PARD3B: variants seen among roughly 807,000 people sequenced by gnomAD.
PARD3B encodes the protein partitioning defective 3 homolog B.
In PARD3B, 103 loss-of-function variants were observed where a neutral mutation model predicts 130.2. The ratio of observed to expected loss-of-function variants is 0.79; its 90% CI spans 0.67 to 0.93. The LOEUF is 0.93. PARD3B is among the 40% of genes least tolerant of loss of function. The pLI, the probability that PARD3B is intolerant of heterozygous loss-of-function variation, is 0.00. For synonymous variants in PARD3B, 583 were observed against 553.2 expected (o/e 1.05, Z -0.76); for missense variants, 1,609 against 1,499.2 (o/e 1.07, Z -1.21).
chr2:205,607,604 C>G (rs1379092409), intron 22 of PARD3B, among the ~76,000 whole-genome samples: 1 of 152,164 alleles, frequency 6.6e-6, no homozygotes, highest in East Asian at 1.9e-4. Flanking sequence ...TGGAAACTAA[C>G]TTGCTGTAGG....
At chr2:205,500,090 G>C in intron 21 of PARD3B, 59 bp downstream of exon 21, 1 of 1,573,170 alleles carries the variant, frequency 6.4e-7, no homozygotes, top group Non-Finnish European at 8.7e-7. Context: ...GTTTAGAGCA[G>C]AAGAACACGG....
chr2:204,907,225 C>A lies in PARD3B; in HGVS notation c.223-57927C>A, dbSNP rs1281125290. On this transcript the variant is annotated intron_variant, in intron 2 of 22. Coordinates refer to ENST00000406610, the MANE Select transcript of PARD3B (RefSeq NM_001302769.2). This position sits in a 1 kb window ranked among gnomAD's most constrained non-coding sequence, Gnocchi z 5.7. ...TTGATCTTCTGACCTTGTTATCCAC[C>A]CACCTCGGCCTCCCAAAGTGCTGGG... 6.6e-6 allele frequency among the ~76,000 whole-genome samples: 1 copy of A among 152,062 alleles called. No individual in the cohort carries two copies. Among genetic ancestry groups the A allele is most frequent in the Non-Finnish European group, 1.5e-5 (1 of 68,028 alleles).
chr2:205,567,640 G>A (rs1041574178), intron 22 of PARD3B, among the ~76,000 whole-genome samples: 1 of 151,774 alleles, frequency 6.6e-6, no homozygotes, highest in Non-Finnish European at 1.5e-5. Context: ...TGTTGTACTA[G>A]CAATAACAGT....
rs927962306 is a variant in PARD3B at position 205,601,862 on chromosome 2, T to C, written c.3261-13594T>C. Among the ~76,000 whole-genome samples the C allele has an allele frequency of 4.6e-5, 7 of 152,210 alleles. No individual in the cohort carries two copies. In the East Asian group the frequency reaches 7.7e-4, roughly 17 times the overall value. On this transcript the variant is annotated intron_variant, in intron 22 of 22. Transcript: ENST00000406610. ...CTTCCTTTCTCCTATTTAAATACCC[T>C]TTATTTCTTTCTCTTGCCTCATTGC...
At chr2:205,296,457 T>C (rs2041795402) in intron 16 of PARD3B, among the ~76,000 whole-genome samples, 1 of 152,190 alleles carries the variant, frequency 6.6e-6, no homozygotes, top group Non-Finnish European at 1.5e-5. Flanking sequence ...TTCTGTTTCA[T>C]AGCATGTTGA....
Position 204,689,783 on chromosome 2 carries a change from C to G in PARD3B, c.222+3501C>G, listed in dbSNP as rs1284028141. Among the ~76,000 whole-genome samples, 2 of 152,178 alleles carry G rather than the reference C, an allele frequency of 1.3e-5. No homozygotes were observed. Among genetic ancestry groups the G allele is most frequent in the Non-Finnish European group, 2.9e-5 (2 of 68,024 alleles). On this transcript the variant is annotated intron_variant, in intron 2 of 22. Coordinates refer to ENST00000406610, the MANE Select transcript of PARD3B (RefSeq NM_001302769.2). The surrounding 1 kb of genome is among the most constrained non-coding windows in gnomAD (Gnocchi z 5.2). ...TCACACAGGTAGTAAATGGCACAAT[C>G]AGACTCTGGAACCTAGAATTTAAAT...
At chr2:204,605,419 C>G (rs2033675902) in intron 1 of PARD3B, among the ~76,000 whole-genome samples, 1 of 152,162 alleles carries the variant, frequency 6.6e-6, no homozygotes, top group Admixed American at 6.5e-5. Context: ...TCAGTGATTT[C>G]TAAAAGGTAT....
At chr2:205,588,406 T>C (rs905304040) in intron 22 of PARD3B, among the ~76,000 whole-genome samples, 1 of 152,230 alleles carries the variant, frequency 6.6e-6, no homozygotes, top group Non-Finnish European at 1.5e-5. Flanking sequence ...ATTTTTGTTA[T>C]TCATCCAGAC....
chr2:204,577,750 T>G (rs950581905), intron 1 of PARD3B, among the ~76,000 whole-genome samples: 18 of 137,516 alleles, frequency 1.3e-4, no homozygotes, highest in African/African-American at 5.2e-4. Flanking sequence ...TTAAAAATTG[T>G]TTTTTTTTCT....
At chr2:205,145,012 C>T (rs1049475893) in intron 10 of PARD3B, among the ~76,000 whole-genome samples, 1 of 152,058 alleles carries the variant, frequency 6.6e-6, no homozygotes, top group Non-Finnish European at 1.5e-5. Context: ...AATGTTACTC[C>T]CTGAGCCTTA....
rs2048904937 is a variant in PARD3B, at chr2:205,473,336, C to A, written c.3045-26560C>A. On this transcript the variant is annotated intron_variant, in intron 20 of 22. Coordinates refer to ENST00000406610, the MANE Select transcript of PARD3B (RefSeq NM_001302769.2). This position sits in a 1 kb window ranked among gnomAD's most constrained non-coding sequence, Gnocchi z 4.9. ...CATGGATCGTTATGAAAAATATAAA[C>A]AAACTTAAAATTCTATTTATGATTC... Among the ~76,000 whole-genome samples the A allele has an allele frequency of 6.6e-6, 1 of 151,978 alleles. No homozygotes were observed. Among genetic ancestry groups the A allele is most frequent in the South Asian group, 2.1e-4 (1 of 4,814 alleles).
At position 205,148,734 on chromosome 2, in the gene PARD3B, T is replaced by TA. The variant is rs111894211; in HGVS notation, c.1435-9977dup. 2.6e-3 allele frequency among the ~76,000 whole-genome samples: 378 copies of TA among 148,026 alleles called. 2 individuals are homozygous for TA. Among genetic ancestry groups the TA allele is most frequent in the African/African-American group, 7.1e-3 (288 of 40,718 alleles). On this transcript the variant is annotated intron_variant, in intron 10 of 22. Transcript: ENST00000406610. ...TATATTTTAAAAGTTATTCTTTTTT[T>TA]AAAAAAAAAAAGCTCTTTTGTTTGA...
At chr2:204,992,337 C>G (rs1559334593) in intron 3 of PARD3B, among the ~76,000 whole-genome samples, 3 of 138,864 alleles carry the variant, frequency 2.2e-5, no homozygotes, top group Non-Finnish European at 4.6e-5. Flanking sequence ...AATACGGAAT[C>G]CTTTCCCCAT....
chr2:204,562,162 C>G (rs886278452), intron 1 of PARD3B, among the ~76,000 whole-genome samples: 2 of 152,040 alleles, frequency 1.3e-5, no homozygotes, highest in African/African-American at 4.8e-5. Context: ...TTTCTAAATT[C>G]TATTTTGTTT....
intron 1 of PARD3B, among the ~76,000 whole-genome samples, chr2:204,655,195 T>C (rs1225656550): frequency 6.6e-6 from 1 of 152,198 alleles, no homozygotes; most frequent in African/African-American, 2.4e-5. Context: ...CAGTTACCAA[T>C]AAGTATCTCT....
Position 205,542,354 on chromosome 2 carries a change from T to TG in PARD3B, c.3181-10970_3181-10969insG, listed in dbSNP as rs1553540489. Among the ~76,000 whole-genome samples the TG allele has an allele frequency of 1.1e-4, 16 of 145,106 alleles. 1 individual carries two copies. Among genetic ancestry groups the TG allele is most frequent in the Admixed American group, 9.0e-4 (13 of 14,422 alleles). The stretch of plus-strand genomic sequence containing the variant: ...CAGGAAACTATTCAGTAGTTTGTGT[T>TG]TGTGTGTGTGTGTGTGTGTGTGTGT... On this transcript the variant is annotated intron_variant, in intron 21 of 22. Coordinates refer to ENST00000406610, the MANE Select transcript of PARD3B (RefSeq NM_001302769.2).
intron 15 of PARD3B, among the ~76,000 whole-genome samples, chr2:205,238,847 A>ATATAT (rs1396676339): frequency 2.7e-4 from 20 of 73,578 alleles, no homozygotes; most frequent in East Asian, 1.4e-3. Context: ...AAAAAAAAAA[A>ATATAT]AAATATATAT....
intron 19 of PARD3B, among the ~76,000 whole-genome samples, chr2:205,434,044 A>C (rs908427226): frequency 6.6e-6 from 1 of 152,208 alleles, no homozygotes; most frequent in African/African-American, 2.4e-5. Flanking sequence ...GGGTCCTAAC[A>C]TCAGTGAAAG....
chr2:205,504,614 A>G (rs1025754081), intron 21 of PARD3B, among the ~76,000 whole-genome samples: 2 of 152,270 alleles, frequency 1.3e-5, no homozygotes, highest in African/African-American at 4.8e-5. Flanking sequence ...GAAGACATTT[A>G]TGCAGCCAAA....
Sources: allele counts gnomAD v4.1 joint callset (sites outside exome capture counted in the v4.1 genomes callset), GRCh38; gene constraint gnomAD v4.1.1; non-coding constraint Gnocchi (gnomAD v3.1); transcripts MANE v1.5; gene names NCBI Gene and HGNC (gene_info 2026-07-23, HGNC 2026-07-21).